The following PID1 variants were observed in gnomAD, a reference collection of about 807,000 sequenced individuals.
PID1 encodes phosphotyrosine interaction domain containing 1.
A neutral mutation model predicts 19.1 loss-of-function variants in PID1; 10 were observed. The ratio of observed to expected loss-of-function variants is 0.52; its 90% CI spans 0.32 to 0.89. The LOEUF (loss-of-function observed/expected upper bound fraction) is 0.89, where lower values mean the gene tolerates loss of function less well. Among genes scored for constraint, PID1 ranks in the 40% least tolerant of loss-of-function variants. PID1 has a pLI of 0.03. For missense variants in PID1, 248 were observed against 285.3 expected, an observed-to-expected ratio of 0.87 and a Z score of 0.94; for synonymous variants, 130 against 116.0, an observed-to-expected ratio of 1.12 and a Z score of -0.78.
At chr2:229,205,253 C>T (rs1691585059) in intron 1 of PID1, among the ~76,000 whole-genome samples, 1 of 151,700 alleles carries the variant, frequency 6.6e-6, no homozygotes, top group Non-Finnish European at 1.5e-5. Context: ...CATACACACA[C>T]ATACTACATA....
At chr2:229,174,055 T>C (rs1021245825) in intron 1 of PID1, among the ~76,000 whole-genome samples, 3 of 152,178 alleles carry the variant, frequency 2.0e-5, no homozygotes, top group African/African-American at 7.2e-5. Context: ...CATCAGTGTT[T>C]CTGCATGCAC....
intron 1 of PID1, among the ~76,000 whole-genome samples, chr2:229,181,117 A>C (rs1380843989): frequency 6.6e-6 from 1 of 152,162 alleles, no homozygotes; most frequent in African/African-American, 2.4e-5. Context: ...ACAGGTGTGG[A>C]GGGGCAACCC....
intron 1 of PID1, among the ~76,000 whole-genome samples, chr2:229,269,079 C>T (rs1264403430): frequency 6.6e-6 from 1 of 152,134 alleles, no homozygotes; most frequent in Non-Finnish European, 1.5e-5. Context: ...GATGTATGTA[C>T]TTTCAAAAGA....
Position 229,113,534 on chromosome 2 carries a change from A to G in PID1, c.177+42284T>C, listed in dbSNP as rs537697274. On this transcript the variant is annotated intron_variant, in intron 2 of 2. Transcript: ENST00000392055. ...CATATATATATATATATATAAATAC[A>G]TAACCATCAGTGTCACTTAAGGCCT... Among the ~76,000 whole-genome samples, 237 of 148,788 alleles carry G rather than the reference A, an allele frequency of 1.6e-3. 1 individual carries two copies. In the South Asian group the frequency reaches 0.019, roughly 12 times the overall value.
chr2:229,131,559 G>A (rs1689741218), intron 2 of PID1, among the ~76,000 whole-genome samples: 2 of 152,132 alleles, frequency 1.3e-5, no homozygotes, highest in Non-Finnish European at 2.9e-5. Flanking sequence ...AAAGTCATGT[G>A]AAAAGAGTAA....
At chr2:229,231,242 G>A (rs1231407320) in intron 1 of PID1, among the ~76,000 whole-genome samples, 1 of 151,950 alleles carries the variant, frequency 6.6e-6, no homozygotes, top group Non-Finnish European at 1.5e-5. Context: ...GTCAACTCAG[G>A]TGCAGATTAG....
At chr2:229,187,718 A>T (rs1691163518) in intron 1 of PID1, among the ~76,000 whole-genome samples, 1 of 152,188 alleles carries the variant, frequency 6.6e-6, no homozygotes, top group Admixed American at 6.5e-5. Context: ...GCATAAAACA[A>T]GCTATAATTT....
intron 2 of PID1, among the ~76,000 whole-genome samples, chr2:229,033,068 A>G (rs1693589550): frequency 6.6e-6 from 1 of 152,120 alleles, no homozygotes; most frequent in Admixed American, 6.6e-5. Flanking sequence ...GTTGCCCGAC[A>G]TTTATCCTTC....
At chr2:229,034,024 A>T (rs1693609684) in intron 2 of PID1, among the ~76,000 whole-genome samples, 1 of 152,204 alleles carries the variant, frequency 6.6e-6, no homozygotes, top group Non-Finnish European at 1.5e-5. Flanking sequence ...TGAAGAGTGG[A>T]GATGGATCTG....
intron 2 of PID1, among the ~76,000 whole-genome samples, chr2:229,045,002 G>A (rs1317442294): frequency 1.3e-5 from 2 of 151,966 alleles, no homozygotes; most frequent in African/African-American, 4.8e-5. Context: ...TGCCTAGGCT[G>A]GAGTGCAATG....
chr2:229,203,957 T>C (rs979250848), intron 1 of PID1, among the ~76,000 whole-genome samples: 3 of 152,114 alleles, frequency 2.0e-5, no homozygotes, highest in African/African-American at 7.2e-5. Context: ...GTTTAGACCA[T>C]TAGACCTATT....
chr2:229,217,856 TC>T (rs1219077839), intron 1 of PID1, among the ~76,000 whole-genome samples: 23 of 152,162 alleles, frequency 1.5e-4, no homozygotes, highest in African/African-American at 5.5e-4. Flanking sequence ...CTTAATCTTC[TC>T]CTCACGCACC....
At chr2:229,036,198 A>C (rs147282386) in intron 2 of PID1, among the ~76,000 whole-genome samples, 101 of 152,212 alleles carry the variant, frequency 6.6e-4, no homozygotes, top group African/African-American at 2.3e-3. Flanking sequence ...TCCCTCAATA[A>C]AGGCAGTTGA....
chr2:229,152,534 G>A (rs1176020041), intron 2 of PID1, among the ~76,000 whole-genome samples: 1 of 152,010 alleles, frequency 6.6e-6, no homozygotes, highest in South Asian at 2.1e-4. Flanking sequence ...TAGATAGGAG[G>A]AGAAAGGTGT....
At chr2:229,128,867 T>A (rs1559246149) in intron 2 of PID1, among the ~76,000 whole-genome samples, 1 of 152,176 alleles carries the variant, frequency 6.6e-6, no homozygotes, top group Non-Finnish European at 1.5e-5. Context: ...ACTAACTGAA[T>A]CGTACATTTT....
chr2:229,249,612 T>C (rs1211164362), intron 1 of PID1, among the ~76,000 whole-genome samples: 1 of 151,768 alleles, frequency 6.6e-6, no homozygotes, highest in African/African-American at 2.4e-5. Flanking sequence ...ATAATTCCAA[T>C]AAAAAGAAAA....
intron 1 of PID1, among the ~76,000 whole-genome samples, chr2:229,237,359 T>C (rs560843964): frequency 6.6e-6 from 1 of 152,316 alleles, no homozygotes; most frequent in South Asian, 2.1e-4. Context: ...AAACAAATGT[T>C]ATGTGAACAT....
At position 229,226,798 on chromosome 2, in the gene PID1, G is replaced by A. The variant is rs564939609; in HGVS notation, c.30+44216C>T. Reference sequence around the variant, plus strand: ...TTCAGAGATTGAACCATTTCATGACGGAAAAATGCATTTACAGTTTATACA... The same window carrying A: ...TTCAGAGATTGAACCATTTCATGACAGAAAAATGCATTTACAGTTTATACA... On this transcript the variant is annotated intron_variant, in intron 1 of 2. Coordinates refer to ENST00000392055, the MANE Select transcript of PID1 (RefSeq NM_001100818.2). Among the ~76,000 whole-genome samples the A allele has an allele frequency of 4.5e-4, 69 of 152,238 alleles. 2 individuals carry two copies. Among genetic ancestry groups the A allele is most frequent in the Admixed American group, 3.8e-3 (58 of 15,294 alleles).
intron 2 of PID1, among the ~76,000 whole-genome samples, chr2:229,107,662 G>T (rs945696164): frequency 6.6e-6 from 1 of 152,082 alleles, no homozygotes; most frequent in African/African-American, 2.4e-5. Flanking sequence ...AGTTGTCGAC[G>T]GTGCTTTTAT....
Sources: allele counts gnomAD v4.1 joint callset (sites outside exome capture counted in the v4.1 genomes callset), GRCh38; gene constraint gnomAD v4.1.1; transcripts MANE v1.5; gene names NCBI Gene and HGNC (gene_info 2026-07-23, HGNC 2026-07-21).